VWA3B: variants seen among roughly 807,000 people sequenced by gnomAD.
VWA3B encodes the protein von Willebrand factor A domain containing 3B.
Under a neutral mutation model 158.3 loss-of-function variants are expected in VWA3B, and 138 were observed. The observed-to-expected ratio is 0.87, with a 90% confidence interval of 0.76 to 1.00. VWA3B has a LOEUF of 1.00. VWA3B is among the 50% of genes least tolerant of loss of function. VWA3B has a pLI of 0.00. For missense variants in VWA3B, 1,555 were observed against 1,565.1 expected, an observed-to-expected ratio of 0.99 and a Z score of 0.11; for synonymous variants, 596 against 587.3, an observed-to-expected ratio of 1.01 and a Z score of -0.21.
chr2:98,132,549 C>G (rs1675959600), intron 6 of VWA3B, among the ~76,000 whole-genome samples: 1 of 152,250 alleles, frequency 6.6e-6, no homozygotes, highest in Non-Finnish European at 1.5e-5. Context: ...TGAGTTGCTT[C>G]TGCACAAGCG....
intron 7 of VWA3B, among the ~76,000 whole-genome samples, chr2:98,151,262 G>A (rs996395847): frequency 3.3e-5 from 5 of 152,068 alleles, no homozygotes; most frequent in African/African-American, 9.7e-5. Context: ...ACAGGCATCC[G>A]CCATGATGCC....
chr2:98,153,093 C>T (rs540301982), intron 7 of VWA3B, among the ~76,000 whole-genome samples: 8 of 152,152 alleles, frequency 5.3e-5, no homozygotes, highest in Non-Finnish European at 1.2e-4. Context: ...TCATTGCTCT[C>T]GTCTCTAGCC....
chr2:98,185,068 C>G (rs1020133638), intron 9 of VWA3B, among the ~76,000 whole-genome samples: 1 of 152,196 alleles, frequency 6.6e-6, no homozygotes, highest in Non-Finnish European at 1.5e-5. Flanking sequence ...TCCTCCCCAA[C>G]TCCATCTCTA....
intron 7 of VWA3B, among the ~76,000 whole-genome samples, chr2:98,158,237 TG>T (rs2105214939): frequency 1.3e-5 from 2 of 151,898 alleles, no homozygotes; most frequent in South Asian, 4.2e-4. Context: ...GGCTGAGTGC[TG>T]TGGAGGATAC....
At chr2:98,140,112 A>G (rs2105094153) in intron 7 of VWA3B, among the ~76,000 whole-genome samples, 1 of 152,264 alleles carries the variant, frequency 6.6e-6, no homozygotes, top group Non-Finnish European at 1.5e-5. Flanking sequence ...CAGAAGGAAG[A>G]AACTCCGAAC....
intron 9 of VWA3B, among the ~76,000 whole-genome samples, chr2:98,182,729 G>A (rs2105360093): frequency 6.6e-6 from 1 of 152,006 alleles, no homozygotes; most frequent in Admixed American, 6.5e-5. Flanking sequence ...TGACCAGCCT[G>A]GCCAACATGG....
intron 25 of VWA3B, among the ~76,000 whole-genome samples, chr2:98,300,827 C>G (rs561616896): frequency 6.9e-4 from 105 of 152,224 alleles, no homozygotes; most frequent in African/African-American, 2.5e-3. Context: ...CCCCCTTTCC[C>G]CAAGCGCCTC....
intron 13 of VWA3B, chr2:98,216,990 C>CCCT (rs760409837): frequency 3.3e-6 from 4 of 1,208,950 alleles, no homozygotes; most frequent in African/African-American, 1.5e-5. Context: ...GCACCCGCCC[C>CCCT]GCACCCAGTC....
rs1270721623 is a variant in VWA3B, at chr2:98,263,082, GT to G, written c.2843+6910del. On this transcript the variant is annotated intron_variant, in intron 21 of 27. Transcript: ENST00000477737. ...TTAATTCCTTACCTGATTGTTCATT[GT>G]TAGTGTATAGAAATGCAACTTATTT... Among the ~76,000 whole-genome samples the G allele has an allele frequency of 6.6e-5, 10 of 151,668 alleles. 1 individual carries two copies. The highest frequency in any genetic ancestry group is 2.4e-4 in the African/African-American group (10 of 41,312).
rs1685236755 is a variant in VWA3B at position 98,230,186 on chromosome 2, A to G, written c.2287A>G (p.Lys763Glu). Residue 763 changes from lysine to glutamate, a missense_variant, in exon 16 of 28, where the codon AAA (lysine) becomes GAA (glutamate). Physicochemically the swap from Lys to Glu is moderately conservative, Grantham distance 56 (BLOSUM62 1). Coordinates refer to ENST00000477737, the MANE Select transcript of VWA3B (RefSeq NM_144992.5). The part of the protein sequence containing the change: ...PWGLSDQKVQ[K>E]KKVLHAESTK... ...GGGCCTTTCAGATCAAAAGGTTCAGAAAAAGAAAGTCCTTCACGCAGGTAT... is the reference window on the plus strand; with the variant it reads ...GGGCCTTTCAGATCAAAAGGTTCAGGAAAAGAAAGTCCTTCACGCAGGTAT... 1 of 1,583,034 alleles carries G rather than the reference A, an allele frequency of 6.3e-7. No individual in the cohort carries two copies.
intron 14 of VWA3B, among the ~76,000 whole-genome samples, chr2:98,223,721 C>CTTTTA (rs970657252): frequency 1.3e-5 from 2 of 152,064 alleles, no homozygotes; most frequent in Non-Finnish European, 2.9e-5. Flanking sequence ...TATTATTTTA[C>CTTTTA]TTTTATTTTA....
chr2:98,243,824 T>C (rs538292423), intron 19 of VWA3B, among the ~76,000 whole-genome samples: 1 of 152,282 alleles, frequency 6.6e-6, no homozygotes, highest in Admixed American at 6.5e-5. Context: ...TGCACCTACA[T>C]TCAAAGATTC....
At chr2:98,145,218 T>C (rs1460837379) in intron 7 of VWA3B, among the ~76,000 whole-genome samples, 1 of 152,236 alleles carries the variant, frequency 6.6e-6, no homozygotes, top group Non-Finnish European at 1.5e-5. Flanking sequence ...ATTCCTTGGA[T>C]TGTATCTTTA....
chr2:98,126,872 C>G (rs375218542), intron 5 of VWA3B, among the ~76,000 whole-genome samples: 3 of 151,956 alleles, frequency 2.0e-5, no homozygotes, highest in African/African-American at 4.8e-5. Flanking sequence ...CCACCCACTG[C>G]GTCCCACCCC....
chr2:98,096,292 G>A (rs565687847), intron 2 of VWA3B, among the ~76,000 whole-genome samples: 13 of 151,256 alleles, frequency 8.6e-5, no homozygotes, highest in African/African-American at 3.2e-4. Context: ...TTTTAAAGAT[G>A]GAGTCTTGCT....
intron 7 of VWA3B, among the ~76,000 whole-genome samples, chr2:98,144,509 C>A (rs773014924): frequency 6.6e-6 from 1 of 151,404 alleles, no homozygotes; most frequent in African/African-American, 2.4e-5. Flanking sequence ...GTCATTCCTT[C>A]GAGAAGGGCT....
chr2:98,108,807 A>G (rs1673890123), intron 2 of VWA3B, among the ~76,000 whole-genome samples: 2 of 152,026 alleles, frequency 1.3e-5, no homozygotes. Flanking sequence ...GCCAATCTCT[A>G]TCTTTTACTT....
intron 13 of VWA3B, among the ~76,000 whole-genome samples, chr2:98,213,928 C>T (rs752674287): frequency 3.5e-4 from 53 of 152,128 alleles, no homozygotes; most frequent in Admixed American, 7.2e-4. Context: ...GGGAGGCCCA[C>T]TCCTGTAATC....
At chr2:98,166,118 C>T (rs942450069) in intron 8 of VWA3B, among the ~76,000 whole-genome samples, 1 of 152,180 alleles carries the variant, frequency 6.6e-6, no homozygotes, top group African/African-American at 2.4e-5. Context: ...GGGTGGATCA[C>T]CTGAGGTCGG....
Sources: allele counts gnomAD v4.1 joint callset (sites outside exome capture counted in the v4.1 genomes callset), GRCh38; gene constraint gnomAD v4.1.1; transcripts MANE v1.5; gene names NCBI Gene and HGNC (gene_info 2026-07-23, HGNC 2026-07-21).